LRRC7: variants seen among roughly 807,000 people sequenced by gnomAD.
The protein encoded by LRRC7 is leucine-rich repeat-containing protein 7.
LRRC7 carries 23 observed loss-of-function variants against 175.7 expected under a neutral mutation model. The ratio of observed to expected loss-of-function variants is 0.13; its 90% CI spans 0.09 to 0.19. The LOEUF (loss-of-function observed/expected upper bound fraction) is 0.19, where lower values mean the gene tolerates loss of function less well. LRRC7 is among the 10% of genes least tolerant of loss of function. LRRC7 has a pLI of 1.00. For missense variants in LRRC7, 1,354 were observed against 1,904.7 expected (o/e 0.71, Z 5.38); for synonymous variants, 685 against 680.9 (o/e 1.01, Z -0.09).
intron 2 of LRRC7, among the ~76,000 whole-genome samples, chr1:69,688,494 C>A (rs776803676): frequency 6.6e-6 from 1 of 152,062 alleles, no homozygotes; most frequent in Non-Finnish European, 1.5e-5. Context: ...ATAAGACAGG[C>A]GTCAGAACTT....
intron 3 of LRRC7, among the ~76,000 whole-genome samples, chr1:69,786,720 A>C (rs565124803): frequency 6.6e-6 from 1 of 152,114 alleles, no homozygotes; most frequent in Non-Finnish European, 1.5e-5. Flanking sequence ...CAAAAACAAC[A>C]CAGGAAAGAC....
At chr1:70,008,186 T>C (rs979574897) in intron 11 of LRRC7, among the ~76,000 whole-genome samples, 1 of 152,176 alleles carries the variant, frequency 6.6e-6, no homozygotes, top group Non-Finnish European at 1.5e-5. Flanking sequence ...GAGAAAGATG[T>C]AGGCTGGGGG....
intron 3 of LRRC7, among the ~76,000 whole-genome samples, chr1:69,770,115 C>G (rs955355154): frequency 3.3e-5 from 5 of 152,132 alleles, no homozygotes; most frequent in Admixed American, 2.0e-4. Flanking sequence ...CTCCATGTAA[C>G]CGTGACAGTT....
At chr1:69,912,911 A>G (rs2101708231) in intron 7 of LRRC7, among the ~76,000 whole-genome samples, 1 of 152,282 alleles carries the variant, frequency 6.6e-6, no homozygotes, top group South Asian at 2.1e-4. Context: ...TGTATAAACA[A>G]GATGTATTCT....
At chr1:69,728,415 G>A (rs1667213281) in intron 2 of LRRC7, among the ~76,000 whole-genome samples, 1 of 152,108 alleles carries the variant, frequency 6.6e-6, no homozygotes, top group South Asian at 2.1e-4. Flanking sequence ...TACATTAAAG[G>A]CCATAAAATA....
At chr1:70,098,526 C>T (rs1360292930) in intron 25 of LRRC7, among the ~76,000 whole-genome samples, 1 of 150,782 alleles carries the variant, frequency 6.6e-6, no homozygotes, top group African/African-American at 2.5e-5. Context: ...ATTAATGAAT[C>T]CAGGAGCTGG....
intron 11 of LRRC7, among the ~76,000 whole-genome samples, chr1:70,009,711 G>A (rs2101947173): frequency 6.6e-6 from 1 of 152,168 alleles, no homozygotes; most frequent in East Asian, 1.9e-4. Flanking sequence ...CAATATAAAA[G>A]GAAAAATGTT....
At chr1:70,001,591 G>A (rs1028585801) in intron 11 of LRRC7, among the ~76,000 whole-genome samples, 5 of 152,124 alleles carry the variant, frequency 3.3e-5, no homozygotes, top group African/African-American at 1.2e-4. Context: ...AAGACCAGAC[G>A]CAGTGACCGA....
rs571654845 is a variant in LRRC7 at position 69,960,106 on chromosome 1, G to C, written c.712-20273G>C. The stretch of plus-strand genomic sequence containing the variant: ...TGTGGTAGAATTCAGCTGTGAATCC[G>C]TCTGGTCCTGGGTTTTGGGGGTTGG... On this transcript the variant is annotated intron_variant, in intron 8 of 26. Coordinates refer to ENST00000651989, the MANE Select transcript of LRRC7 (RefSeq NM_001370785.2). 4.9e-4 allele frequency among the ~76,000 whole-genome samples: 74 copies of C among 151,910 alleles called. 2 individuals carry two copies. The highest frequency in any genetic ancestry group is 4.9e-3 in the Admixed American group (74 of 15,230).
chr1:70,022,994 A>G, intron 16 of LRRC7, 132 bp from the exon 17 acceptor site: 4 of 1,174,918 alleles, frequency 3.4e-6, no homozygotes, highest in Non-Finnish European at 1.1e-6. Flanking sequence ...TGGATTTAAA[A>G]CTAACTTTAT....
At chr1:69,686,570 G>A (rs951294142) in intron 2 of LRRC7, among the ~76,000 whole-genome samples, 1 of 152,044 alleles carries the variant, frequency 6.6e-6, no homozygotes, top group Admixed American at 6.6e-5. Flanking sequence ...AATACCTAGA[G>A]CAACCACTAA....
intron 23 of LRRC7, among the ~76,000 whole-genome samples, chr1:70,054,168 T>C (rs1660956551): frequency 6.6e-6 from 1 of 152,162 alleles, no homozygotes; most frequent in Non-Finnish European, 1.5e-5. Flanking sequence ...ACTTGAAATG[T>C]TTCCAATACC....
intron 1 of LRRC7, among the ~76,000 whole-genome samples, chr1:69,591,243 ACAAT>A (rs940512882): frequency 2.0e-5 from 3 of 152,112 alleles, no homozygotes; most frequent in African/African-American, 7.2e-5. Flanking sequence ...CAAAAACGTG[ACAAT>A]CAATGCCAAA....
chr1:70,088,043 C>A (rs946795602), intron 24 of LRRC7, among the ~76,000 whole-genome samples: 3 of 152,028 alleles, frequency 2.0e-5, no homozygotes, highest in African/African-American at 4.8e-5. Flanking sequence ...TTGCCATAAG[C>A]AAATTAATGG....
intron 11 of LRRC7, among the ~76,000 whole-genome samples, chr1:70,007,882 G>T (rs1656128699): frequency 6.6e-6 from 1 of 152,080 alleles, no homozygotes; most frequent in Non-Finnish European, 1.5e-5. Flanking sequence ...CTTATCTAGA[G>T]TCTTCCTAGT....
In LRRC7 at chr1:69,880,894, A is replaced by G. The variant is rs147632312; in HGVS notation, c.647+42611A>G. Among the ~76,000 whole-genome samples, 496 of 152,340 alleles carry G rather than the reference A, an allele frequency of 3.3e-3. 1 individual carries two copies. The highest frequency in any genetic ancestry group is 0.011 in the African/African-American group (447 of 41,574). ...AAAAGACACAGCCATGTTCAAAGCA[A>G]CTAGCAACAAATTGCAAAGCCAGAA... On this transcript the variant is annotated intron_variant, in intron 7 of 26. Transcript: ENST00000651989.
At chr1:69,664,168 T>G (rs1657930866) in intron 1 of LRRC7, among the ~76,000 whole-genome samples, 1 of 152,240 alleles carries the variant, frequency 6.6e-6, no homozygotes, top group Non-Finnish European at 1.5e-5. Context: ...TATTTCATTG[T>G]GTATATGTAC....
intron 1 of LRRC7, among the ~76,000 whole-genome samples, chr1:69,640,227 T>A (rs1653995748): frequency 6.6e-6 from 1 of 151,826 alleles, no homozygotes. Context: ...TTTTTTCTGA[T>A]GTCTTTTCCA....
At chr1:69,834,730 G>C in intron 5 of LRRC7, 50 bp from the exon 6 acceptor site, 1 of 1,372,118 alleles carries the variant, frequency 7.3e-7, no homozygotes, top group Non-Finnish European at 1.0e-6. Flanking sequence ...TTTTTGTTCT[G>C]TTTCTATAGC....
Sources: gnomAD v4.1 joint callset for allele counts (sites outside exome capture counted in the v4.1 genomes callset) on GRCh38, gnomAD v4.1.1 for gene constraint, MANE v1.5 for transcripts, NCBI Gene and HGNC (gene_info 2026-07-23, HGNC 2026-07-21) for gene names.